Variants in CALN1 observed in about 807,000 individuals in gnomAD.
The protein encoded by CALN1 is calcium-binding protein 8.
Under a neutral mutation model 30.6 loss-of-function variants are expected in CALN1, and 17 were observed. The ratio of observed to expected loss-of-function variants is 0.56; its 90% confidence interval spans 0.38 to 0.83. The LOEUF is 0.83. Among genes scored for constraint, CALN1 ranks in the 40% least tolerant of loss-of-function variants. The pLI is 0.00. For synonymous variants in CALN1, 156 were observed against 131.4 expected, an observed-to-expected ratio of 1.19 and a Z score of -1.28; for missense variants, 291 against 354.9, an observed-to-expected ratio of 0.82 and a Z score of 1.45.
intron 4 of CALN1, among the ~76,000 whole-genome samples, chr7:72,076,626 A>G (rs955556665): frequency 2.2e-5 from 3 of 137,516 alleles, no homozygotes; most frequent in African/African-American, 8.4e-5. Context: ...AAAAAAAAAA[A>G]AAAAAAAAAA....
intron 3 of CALN1, among the ~76,000 whole-genome samples, chr7:72,145,603 C>G (rs1237148080): frequency 6.6e-6 from 1 of 152,206 alleles, no homozygotes; most frequent in East Asian, 1.9e-4. Context: ...AAGAGGGAAT[C>G]CTCCCTAACT....
intron 2 of CALN1, among the ~76,000 whole-genome samples, chr7:72,283,019 C>T (rs1450429510): frequency 6.8e-6 from 1 of 147,952 alleles, no homozygotes; most frequent in Non-Finnish European, 1.5e-5. Context: ...CGTGCCACTG[C>T]ACTCCAGCCT....
the CALN1 span, among the ~76,000 whole-genome samples, chr7:72,504,088 C>T: frequency 6.6e-6 from 1 of 152,196 alleles, no homozygotes; most frequent in East Asian, 1.9e-4. Context: ...GCACATGCCC[C>T]TGTCCCGAAG....
chr7:72,100,584 C>T (rs1158310691), intron 4 of CALN1, among the ~76,000 whole-genome samples: 4 of 151,878 alleles, frequency 2.6e-5, no homozygotes, highest in Non-Finnish European at 4.4e-5. Context: ...TTTGGGAGGC[C>T]GAGACAGGCA....
chr7:71,788,163 G>T (rs1439132153), intron 6 of CALN1, among the ~76,000 whole-genome samples: 1 of 152,166 alleles, frequency 6.6e-6, no homozygotes, highest in Non-Finnish European at 1.5e-5. Context: ...GTGATGATCA[G>T]AGTAAGGCCT....
At chr7:72,019,126 T>C (rs844794) in intron 5 of CALN1, among the ~76,000 whole-genome samples, 41,917 of 151,682 alleles carry the variant, frequency 0.28, 8,895 homozygotes, top group African/African-American at 0.59. Context: ...GCTGGGATTA[T>C]AGGCATAAGC....
chr7:72,502,914 G>A, the CALN1 span, among the ~76,000 whole-genome samples: 63,573 of 151,938 alleles, frequency 0.42, 14,253 homozygotes, highest in African/African-American at 0.58. Flanking sequence ...GCACTTTGGG[G>A]AGCCAAAGGA....
In CALN1 at chr7:72,363,465, C is replaced by T. The variant is rs568762737; in HGVS notation, c.119+39786G>A. Among the ~76,000 whole-genome samples, 4 of 152,150 alleles carry T rather than the reference C, an allele frequency of 2.6e-5. No homozygotes were observed. In the South Asian group the frequency reaches 6.2e-4, roughly 24 times the overall value. On this transcript the variant is annotated intron_variant, in intron 2 of 6. Coordinates refer to ENST00000395275, the MANE Select transcript of CALN1 (RefSeq NM_031468.4). ...TGTTGGCCAGGCTGGTCTCAAACCCCTGACCTCAGGTGATCTGCCTGCCTT... is the reference window on the plus strand; with the variant it reads ...TGTTGGCCAGGCTGGTCTCAAACCCTTGACCTCAGGTGATCTGCCTGCCTT...
chr7:72,431,437 C>G (rs574498860), intron 1 of CALN1, among the ~76,000 whole-genome samples: 1 of 152,184 alleles, frequency 6.6e-6, no homozygotes, highest in Non-Finnish European at 1.5e-5. Context: ...CATGCACACA[C>G]GCATGCACAA....
At chr7:72,317,458 T>C (rs1280562611) in intron 2 of CALN1, among the ~76,000 whole-genome samples, 1 of 152,170 alleles carries the variant, frequency 6.6e-6, no homozygotes, top group African/African-American at 2.4e-5. Context: ...GATCTAATGT[T>C]GCAGTTTGGT....
intron 3 of CALN1, among the ~76,000 whole-genome samples, chr7:72,197,601 G>C (rs1039869203): frequency 2.0e-5 from 3 of 152,074 alleles, no homozygotes; most frequent in African/African-American, 7.2e-5. Context: ...AGGCTGAGGT[G>C]GAAGGATGGC....
chr7:72,058,777 T>C (rs1271487359), intron 4 of CALN1, among the ~76,000 whole-genome samples: 1 of 152,094 alleles, frequency 6.6e-6, no homozygotes, highest in Admixed American at 6.6e-5. Context: ...CTTTGCCCCA[T>C]ATAGATCATA....
chr7:71,799,329 G>A (rs962029834), intron 6 of CALN1, among the ~76,000 whole-genome samples: 1 of 152,152 alleles, frequency 6.6e-6, no homozygotes, highest in Non-Finnish European at 1.5e-5. Flanking sequence ...TGCTGGGGAA[G>A]GATTTTAAGC....
At chr7:72,421,580 T>TTC (rs1448234310) in intron 1 of CALN1, among the ~76,000 whole-genome samples, 2 of 133,816 alleles carry the variant, frequency 1.5e-5, no homozygotes, top group Non-Finnish European at 3.2e-5. Context: ...CTACTTTTTT[T>TTC]TTTTTTTTTT....
At chr7:71,827,897 G>T (rs1562816335) in intron 5 of CALN1, among the ~76,000 whole-genome samples, 1 of 152,032 alleles carries the variant, frequency 6.6e-6, no homozygotes, top group Non-Finnish European at 1.5e-5. Flanking sequence ...TGGATATTTG[G>T]GGGACGGACA....
intron 5 of CALN1, among the ~76,000 whole-genome samples, chr7:71,829,750 T>C (rs115832083): frequency 0.015 from 2,249 of 152,248 alleles, 62 homozygotes; most frequent in African/African-American, 0.052. Flanking sequence ...TGGGAGCTGT[T>C]TGCAGTCTGC....
intron 3 of CALN1, among the ~76,000 whole-genome samples, chr7:72,109,730 C>T (rs1584960330): frequency 6.6e-6 from 1 of 152,314 alleles, no homozygotes; most frequent in Middle Eastern, 3.4e-3. Context: ...GTGGCCTGAG[C>T]TCAGATCCCC....
At chr7:72,260,719 C>T (rs915785069) in intron 3 of CALN1, among the ~76,000 whole-genome samples, 1 of 152,034 alleles carries the variant, frequency 6.6e-6, no homozygotes, top group African/African-American at 2.4e-5. Flanking sequence ...GAGGAGCCCC[C>T]CACACAGATG....
At chr7:72,229,326 A>G (rs548896663) in intron 3 of CALN1, among the ~76,000 whole-genome samples, 2 of 152,188 alleles carry the variant, frequency 1.3e-5, no homozygotes, top group South Asian at 4.1e-4. Flanking sequence ...TCTTAAAAAG[A>G]TGGAAGAGGA....
Sources: allele counts gnomAD v4.1 joint callset (sites outside exome capture counted in the v4.1 genomes callset), GRCh38; gene constraint gnomAD v4.1.1; transcripts MANE v1.5; gene names NCBI Gene and HGNC (gene_info 2026-07-23, HGNC 2026-07-21).